The following KDM5A variants were observed in gnomAD, a reference collection of about 807,000 sequenced individuals.
KDM5A encodes the protein lysine-specific demethylase 5A.
In KDM5A, 42 loss-of-function variants were observed where a neutral mutation model predicts 193.5. The ratio of observed to expected loss-of-function variants is 0.22; its 90% confidence interval spans 0.17 to 0.28. The LOEUF (loss-of-function observed/expected upper bound fraction) is 0.28. KDM5A is among the 10% of genes least tolerant of loss of function. The pLI is 1.00. For missense variants in KDM5A, 1,692 were observed against 2,055.1 expected, an observed-to-expected ratio of 0.82 and a Z score of 3.42; for synonymous variants, 796 against 718.1, an observed-to-expected ratio of 1.11 and a Z score of -1.73.
intron 17 of KDM5A, chr12:322,199 G>A (rs1041549817): frequency 2.1e-5 from 12 of 567,272 alleles, no homozygotes; most frequent in African/African-American, 1.9e-4. Context: ...AAATGTGCCT[G>A]CTATGTATGA....
At chr12:324,123 A>T (rs796228272) in intron 14 of KDM5A, among the ~76,000 whole-genome samples, 9 of 152,104 alleles carry the variant, frequency 5.9e-5, no homozygotes, top group African/African-American at 2.2e-4. Context: ...CCGGGGCAAC[A>T]AAGTGAGCAT....
At chr12:310,106 C>T in intron 21 of KDM5A, 142 bp from the exon 22 acceptor site, 2 of 754,180 alleles carry the variant, frequency 2.7e-6, no homozygotes, top group Non-Finnish European at 2.1e-6. Flanking sequence ...CTAATTCATT[C>T]CTCACAACAA....
At chr12:291,106 T>C (rs1191229451) in intron 27 of KDM5A, among the ~76,000 whole-genome samples, 1 of 152,126 alleles carries the variant, frequency 6.6e-6, no homozygotes, top group East Asian at 1.9e-4. Flanking sequence ...CACATATATA[T>C]TAAAATGCTT....
intron 12 of KDM5A, chr12:333,158 C>A (rs1943884287): frequency 2.4e-5 from 9 of 370,082 alleles, no homozygotes; most frequent in Middle Eastern, 8.8e-4. Flanking sequence ...GTGGCTCACA[C>A]CTGTAATCCC....
chr12:303,504 G>GT, intron 24 of KDM5A, among the ~76,000 whole-genome samples: 1 of 152,168 alleles, frequency 6.6e-6, no homozygotes, highest in Non-Finnish European at 1.5e-5. Context: ...ACACAGCAGG[G>GT]CCTGTCCAGG....
intron 24 of KDM5A, among the ~76,000 whole-genome samples, chr12:303,718 CAACAAGTTAAGGAGGGGA>C (rs1180057951): frequency 3.9e-5 from 6 of 152,084 alleles, no homozygotes; most frequent in Non-Finnish European, 7.4e-5. Context: ...ACTCCTATAC[CAACAAGTTAAGGAGGGGA>C]AGATAAATTT....
intron 16 of KDM5A, 49 bp downstream of exon 16, chr12:323,033 T>TTGTC (rs2137410282): frequency 6.2e-7 from 1 of 1,611,524 alleles, no homozygotes; most frequent in East Asian, 2.2e-5. Flanking sequence ...AAGCCTCTTT[T>TTGTC]AAAGTGACAA....
chr12:283,174 G>A lies in KDM5A; in HGVS notation c.*2282C>T, dbSNP rs1278903824. On this transcript the variant is annotated 3_prime_UTR_variant, in exon 28 of 28. Coordinates refer to ENST00000399788, the MANE Select transcript of KDM5A (RefSeq NM_001042603.3). ...AATTTTAAATGTATTCCAGGCATCT[G>A]TCACTTAAAATTACATTCAATTTTT... 1.7e-5 allele frequency: 4 copies of A among 231,088 alleles called. No individual in the cohort carries two copies. The highest frequency in any genetic ancestry group is 4.4e-5 in the African/African-American group (2 of 45,222). The allele number at this position is 231,088 out of a possible 1,614,324, so 14.3% of individuals were successfully genotyped here.
At chr12:373,745 C>T (rs535758763) in intron 3 of KDM5A, among the ~76,000 whole-genome samples, 1 of 152,334 alleles carries the variant, frequency 6.6e-6, no homozygotes, top group Non-Finnish European at 1.5e-5. Context: ...CTACACACTG[C>T]TTTGAATGTG....
At position 331,955 on chromosome 12, in the gene KDM5A, A is replaced by G. The variant is rs1282518765; in HGVS notation, c.1654-17T>C. 1 of 1,612,216 alleles carries G rather than the reference A, an allele frequency of 6.2e-7. No homozygotes were observed. The highest frequency in any genetic ancestry group is 1.1e-5 in the South Asian group (1 of 91,022). On this transcript the variant is annotated splice_polypyrimidine_tract_variant and intron_variant, in intron 12 of 27. Coordinates refer to ENST00000399788, the MANE Select transcript of KDM5A (RefSeq NM_001042603.3). The stretch of plus-strand genomic sequence containing the variant: ...CCTGTACACCTAAATGCAAATTGGG[A>G]ACAGGGATACAAAAATAAAAAATAA...
At chr12:343,175 C>G (rs778124597) in intron 10 of KDM5A, among the ~76,000 whole-genome samples, 1 of 152,188 alleles carries the variant, frequency 6.6e-6, no homozygotes, top group Non-Finnish European at 1.5e-5. Flanking sequence ...TCACTGCTAG[C>G]GCAGCAGTCT....
rs761450935 is a variant in KDM5A, at chr12:355,269, CAAT to C, written c.779-23_779-21del. 2.8e-5 allele frequency: 40 copies of C among 1,431,102 alleles called. No homozygotes were observed. The highest frequency in any genetic ancestry group is 3.9e-5 in the Non-Finnish European group (40 of 1,013,202). The allele number at this position is 1,431,102 out of a possible 1,614,324, so 88.7% of individuals were successfully genotyped here. A position where few individuals can be genotyped will look rare whatever the true frequency, so the allele number is the denominator to read the frequency against. ...CCTCATCTTGAAATAAAAAGTTACA[CAAT>C]AATAGTAAAAACCAATGTTGAGAGC... On this transcript the variant is annotated intron_variant, in intron 6 of 27. Transcript: ENST00000399788.
At chr12:343,847 A>C (rs1042335973) in intron 10 of KDM5A, among the ~76,000 whole-genome samples, 2 of 152,236 alleles carry the variant, frequency 1.3e-5, no homozygotes, top group African/African-American at 2.4e-5. Flanking sequence ...TAAAAATCAG[A>C]GTGCCTCTTC....
intron 2 of KDM5A, 74 bp from the exon 3 acceptor site, chr12:384,227 AC>A: frequency 9.0e-7 from 1 of 1,108,424 alleles, no homozygotes; most frequent in Non-Finnish European, 1.4e-6. Flanking sequence ...GGGTCCCCAA[AC>A]CCCAGGATGT....
chr12:297,023 T>A lies in KDM5A; in HGVS notation c.4234+18A>T. ...GTTTTCTGCTTATGTTCCCCACAGT[T>A]TTTTAAAGGAGTAATACCTTGAGAA... On this transcript the variant is annotated intron_variant, in intron 25 of 27. Transcript: ENST00000399788. The A allele has an allele frequency of 6.2e-7, 1 of 1,612,696 alleles. No individual in the cohort carries two copies. Among genetic ancestry groups the A allele is most frequent in the Non-Finnish European group, 8.5e-7 (1 of 1,179,292 alleles).
rs1356574865 is a variant in KDM5A, at chr12:295,659, C to T, written c.4369G>A (p.Val1457Ile). The change falls in exon 26 of 28, where the codon GTA (valine) becomes ATA (isoleucine). Residue 1457 changes from valine to isoleucine, a missense_variant. Around this residue, in one of 11 missense-constraint regions of KDM5A, gnomAD observed 965 missense variants for 1,061.0 expected, o/e 0.91. Coordinates refer to ENST00000399788, the MANE Select transcript of KDM5A (RefSeq NM_001042603.3). The part of the protein sequence containing the change: ...ELMMVGDLLE[V>I]SLDETQHIWR... ...ATGTGTTGAGTCTCGTCCAGAGATA[C>T]TTCCAGGAGATCTCCAACCATCATA... 3 of 1,614,130 alleles carry T rather than the reference C, an allele frequency of 1.9e-6. No homozygotes were observed. Among genetic ancestry groups the T allele is most frequent in the South Asian group, 2.2e-5 (2 of 91,084 alleles).
chr12:352,828 G>C (rs1471482513), intron 8 of KDM5A, among the ~76,000 whole-genome samples: 2 of 152,182 alleles, frequency 1.3e-5, no homozygotes, highest in African/African-American at 4.8e-5. Flanking sequence ...AACTGCCTCT[G>C]AATCTTTCAA....
rs184435204 is a variant in KDM5A at position 281,435 on chromosome 12, A to C, written c.*4021T>G. 1 of 233,242 alleles carries C rather than the reference A, an allele frequency of 4.3e-6. No individual in the cohort carries two copies. The highest frequency in any genetic ancestry group is 6.0e-5 in the East Asian group (1 of 16,574). The allele number at this position is 233,242 out of a possible 1,614,324, so 14.4% of individuals were successfully genotyped here. Reference sequence around the variant, plus strand: ...GACTGGATATGATCCAGGCCAAGACAAGACCAAAATTCAAAAAATACATTA... The same window carrying C: ...GACTGGATATGATCCAGGCCAAGACCAGACCAAAATTCAAAAAATACATTA... On this transcript the variant is annotated 3_prime_UTR_variant, in exon 28 of 28. Coordinates refer to ENST00000399788, the MANE Select transcript of KDM5A (RefSeq NM_001042603.3).
At chr12:315,964 C>T (rs1446298614) in intron 19 of KDM5A, among the ~76,000 whole-genome samples, 1 of 151,910 alleles carries the variant, frequency 6.6e-6, no homozygotes. Flanking sequence ...CAAACAGAGC[C>T]AAGAAATTAA....
Sources: gnomAD v4.1 joint callset for allele counts (sites outside exome capture counted in the v4.1 genomes callset) on GRCh38, gnomAD v4.1.1 for gene constraint, gnomAD v4.1.1 regional missense constraint, MANE v1.5 for transcripts, NCBI Gene and HGNC (gene_info 2026-07-23, HGNC 2026-07-21) for gene names.